Variants in NCLN observed in about 807,000 individuals in gnomAD.
NCLN encodes BOS complex subunit NCLN.
In NCLN, 34 loss-of-function variants were observed where a neutral mutation model predicts 69.5. The observed-to-expected ratio is 0.49, with a 90% CI of 0.37 to 0.65. The LOEUF (loss-of-function observed/expected upper bound fraction) is 0.65, where lower values mean the gene tolerates loss of function less well. NCLN is among the 30% of genes least tolerant of loss of function. The pLI, the probability that NCLN is intolerant of heterozygous loss-of-function variation, is 0.00. For missense variants in NCLN, 710 were observed against 804.8 expected (o/e 0.88, Z 1.42); for synonymous variants, 393 against 358.3 (o/e 1.10, Z -1.09).
Position 3,209,239 on chromosome 19 carries a change from G to T in NCLN, c.*1551G>T, listed in dbSNP as rs1428741028. The T allele has an allele frequency of 1.3e-5, 2 of 152,294 alleles. No individual in the cohort carries two copies. Among genetic ancestry groups the T allele is most frequent in the African/African-American group, 4.8e-5 (2 of 41,452 alleles). The allele number at this position is 152,294 out of a possible 1,614,324, so 9.4% of individuals were successfully genotyped here. ...AACCACCCCTCTTTCCTCCAGGTTG[G>T]CAGGGGACCCTCTTCTCCCGTCTGC... On this transcript the variant is annotated 3_prime_UTR_variant, in exon 15 of 15. Transcript: ENST00000246117.
chr19:3,206,485 A>T, intron 12 of NCLN, 60 bp downstream of exon 12: 1 of 1,489,010 alleles, frequency 6.7e-7, no homozygotes, highest in Non-Finnish European at 9.0e-7. Flanking sequence ...ACCTCCCCCT[A>T]CTGCATCTCC....
chr19:3,204,909 A>G (rs945726498), intron 9 of NCLN, among the ~76,000 whole-genome samples, 158 bp downstream of exon 9: 2 of 152,210 alleles, frequency 1.3e-5, no homozygotes, highest in African/African-American at 2.4e-5. Context: ...CTGCACGGTC[A>G]GGCCGTTCGC....
intron 5 of NCLN, among the ~76,000 whole-genome samples, chr19:3,200,197 C>G (rs1391709265): frequency 6.6e-6 from 1 of 152,242 alleles, no homozygotes; most frequent in African/African-American, 2.4e-5. Flanking sequence ...AATCCACCCG[C>G]CTCGGCCTCC....
In NCLN at chr19:3,192,589, C is replaced by A; in HGVS notation, c.304C>A (p.Arg102=). 2 of 1,605,942 alleles carry A rather than the reference C, an allele frequency of 1.2e-6. No homozygotes were observed. Among genetic ancestry groups the A allele is most frequent in the Non-Finnish European group, 1.7e-6 (2 of 1,175,850 alleles). Residue 102 remains arginine (R), a synonymous_variant, in exon 2 of 15, where the codon CGG becomes AGG. Coordinates refer to ENST00000246117, the MANE Select transcript of NCLN (RefSeq NM_020170.4). ...CTACGAGCAGTACCAGAAGGCCCTG[C>A]GGCAGTCGGCGGGCGCCGTGGTCAT... ...FSYEQYQKAL[R]QSAGAVVIIL...
rs1916233737 is a variant in NCLN, at chr19:3,205,218, C to A, written c.1208+467C>A. Among the ~76,000 whole-genome samples, 1 of 152,236 alleles carries A rather than the reference C, an allele frequency of 6.6e-6. No homozygotes were observed. The highest frequency in any genetic ancestry group is 1.9e-4 in the East Asian group (1 of 5,200). On this transcript the variant is annotated intron_variant, in intron 9 of 14. Coordinates refer to ENST00000246117, the MANE Select transcript of NCLN (RefSeq NM_020170.4). The surrounding 1 kb of genome is among the most constrained non-coding windows in gnomAD (Gnocchi z 4.6). ...GCCCGTCTCTCTGCCATCATGTGAG[C>A]CCCTGGGCAGGCTTTTGTGGAGCCT...
chr19:3,201,506 C>T lies in NCLN; in HGVS notation c.697-17C>T, dbSNP rs1161010462. On this transcript the variant is annotated splice_polypyrimidine_tract_variant and intron_variant, in intron 5 of 14. Coordinates refer to ENST00000246117, the MANE Select transcript of NCLN (RefSeq NM_020170.4). The stretch of plus-strand genomic sequence containing the variant: ...CGGGCGGGGGTGACTGTGGCCTTGC[C>T]TCTCCCGTCCCTGTAGTGGCTGTCG... 3.2e-6 allele frequency: 5 copies of T among 1,540,134 alleles called. No individual in the cohort carries two copies. The highest frequency in any genetic ancestry group is 4.4e-6 in the Non-Finnish European group (5 of 1,147,476).
intron 1 of NCLN, among the ~76,000 whole-genome samples, 178 bp from the exon 2 acceptor site, chr19:3,192,292 G>C (rs1337205231): frequency 1.6e-5 from 2 of 124,686 alleles, no homozygotes; most frequent in Admixed American, 8.5e-5. Context: ...TGGCCCCTGT[G>C]ACCCGTTATG....
chr19:3,206,718 C>T (rs1411061757), intron 12 of NCLN, among the ~76,000 whole-genome samples: 1 of 152,218 alleles, frequency 6.6e-6, no homozygotes. Flanking sequence ...CACCTGTAAT[C>T]CCAGCTACTT....
Position 3,206,252 on chromosome 19 carries a change from G to C in NCLN, c.1336-10G>C. Reference sequence around the variant, plus strand: ...GGGCCAGGCCATGACTACCACCACCGTCCCTACAGCAGATCCAGCAGGAGC... The same window carrying C: ...GGGCCAGGCCATGACTACCACCACCCTCCCTACAGCAGATCCAGCAGGAGC... On this transcript the variant is annotated splice_polypyrimidine_tract_variant and intron_variant, in intron 11 of 14. Transcript: ENST00000246117. 1.3e-6 allele frequency: 2 copies of C among 1,543,096 alleles called. No individual in the cohort carries two copies. Among genetic ancestry groups the C allele is most frequent in the Non-Finnish European group, 1.7e-6 (2 of 1,143,942 alleles).
chr19:3,189,567 G>A (rs1227668306), intron 1 of NCLN, among the ~76,000 whole-genome samples: 3 of 152,272 alleles, frequency 2.0e-5, no homozygotes, highest in African/African-American at 4.8e-5. Context: ...TTCAGGTCCA[G>A]TCCTGTCACG....
intron 2 of NCLN, 53 bp downstream of exon 2, chr19:3,192,713 T>C (rs1915860147): frequency 6.9e-7 from 1 of 1,448,348 alleles, no homozygotes. Context: ...CGGCGGGAGT[T>C]GGAGGCAACT....
intron 1 of NCLN, among the ~76,000 whole-genome samples, chr19:3,189,483 C>CCAT (rs747867727): frequency 1.1e-4 from 17 of 152,260 alleles, no homozygotes; most frequent in Non-Finnish European, 1.9e-4. Context: ...GTGATTGTGC[C>CCAT]AGAGCCCTAT....
In NCLN at chr19:3,206,231, C is replaced by T. The variant is rs889963320; in HGVS notation, c.1336-31C>T. ...CAGTGGGTGGGTGGGTGGGCGGGGCCAGGCCATGACTACCACCACCGTCCC... is the reference window on the plus strand; with the variant it reads ...CAGTGGGTGGGTGGGTGGGCGGGGCTAGGCCATGACTACCACCACCGTCCC... On this transcript the variant is annotated intron_variant, in intron 11 of 14. Transcript: ENST00000246117. 11 of 1,525,306 alleles carry T rather than the reference C, an allele frequency of 7.2e-6. No homozygotes were observed. The Admixed American group carries it at 2.2e-4, about 31-fold the overall frequency. The allele number at this position is 1,525,306 out of a possible 1,614,324, so 94.5% of individuals were successfully genotyped here. A position where few individuals can be genotyped will look rare whatever the true frequency, so the allele number is the denominator to read the frequency against.
At chr19:3,206,567 C>G (rs921165624) in intron 12 of NCLN, 142 bp downstream of exon 12, 3 of 1,139,232 alleles carry the variant, frequency 2.6e-6, no homozygotes, top group Non-Finnish European at 3.6e-6. Flanking sequence ...CCGGACACGG[C>G]GGCTGTGCCT....
At chr19:3,204,462 T>C (rs934447719) in intron 8 of NCLN, 111 bp from the exon 9 acceptor site, 4 of 1,221,646 alleles carry the variant, frequency 3.3e-6, no homozygotes, top group Non-Finnish European at 4.4e-6. Context: ...GGTGGATTTC[T>C]CCTCATTTTG....
rs1916246445 is a variant in NCLN, at chr19:3,205,743, G to C, written c.1209-196G>C. ...CGCACAGGGACGGGTCAGGGCAAGG[G>C]GCCTGGAGGTGTGGGGCCCCCAGTG... On this transcript the variant is annotated intron_variant, in intron 9 of 14. Coordinates refer to ENST00000246117, the MANE Select transcript of NCLN (RefSeq NM_020170.4). The surrounding 1 kb of genome is among the most constrained non-coding windows in gnomAD (Gnocchi z 4.6). 1 of 596,566 alleles carries C rather than the reference G, an allele frequency of 1.7e-6. No homozygotes were observed. Among genetic ancestry groups the C allele is most frequent in the South Asian group, 2.0e-5 (1 of 49,486 alleles). 37.0% of individuals were successfully genotyped at this position (596,566 alleles called of 1,614,324 possible).
chr19:3,193,496 C>T (rs1036138662), intron 3 of NCLN, 68 bp downstream of exon 3: 1 of 1,482,414 alleles, frequency 6.7e-7, no homozygotes, highest in East Asian at 2.4e-5. Flanking sequence ...ATCCCAAGGG[C>T]TGCGGTCACC....
chr19:3,191,267 G>A (rs930714792), intron 1 of NCLN, among the ~76,000 whole-genome samples: 11 of 152,176 alleles, frequency 7.2e-5, no homozygotes, highest in African/African-American at 2.4e-4. Context: ...GCAGTCCCAG[G>A]AAGCAAAAGG....
intron 5 of NCLN, among the ~76,000 whole-genome samples, chr19:3,201,093 C>T (rs1174121504): frequency 2.0e-5 from 3 of 152,186 alleles, no homozygotes; most frequent in Middle Eastern, 3.2e-3. Context: ...TCTCCACAGC[C>T]GGGGCTCGAG....
Sources: gnomAD v4.1 joint callset for allele counts (sites outside exome capture counted in the v4.1 genomes callset) on GRCh38, gnomAD v4.1.1 for gene constraint, Gnocchi (gnomAD v3.1) non-coding constraint, MANE v1.5 for transcripts, NCBI Gene and HGNC (gene_info 2026-07-23, HGNC 2026-07-21) for gene names.